The following CRIM1 variants were observed in gnomAD, a reference collection of about 807,000 sequenced individuals.
CRIM1 encodes cysteine rich transmembrane BMP regulator 1, also known as cysteine-rich motor neuron 1 protein.
A neutral mutation model predicts 116.4 loss-of-function variants in CRIM1; 32 were observed. That is an observed-to-expected ratio of 0.27 (90% confidence interval 0.21 to 0.37). CRIM1 has a LOEUF of 0.37. Ranked by LOEUF, CRIM1 falls within the 10% of genes least tolerant of loss-of-function variation. The pLI is 1.00. For synonymous variants in CRIM1, 590 were observed against 509.2 expected, an observed-to-expected ratio of 1.16 and a Z score of -2.13; for missense variants, 1,331 against 1,354.8, an observed-to-expected ratio of 0.98 and a Z score of 0.28.
At chr2:36,409,019 A>AC (rs1182892547) in intron 2 of CRIM1, among the ~76,000 whole-genome samples, 2 of 151,716 alleles carry the variant, frequency 1.3e-5, no homozygotes, top group Non-Finnish European at 2.9e-5. Flanking sequence ...AGGGGAAAAA[A>AC]AAAAAGCTCT....
At chr2:36,546,113 T>C (rs754324058) in intron 15 of CRIM1, among the ~76,000 whole-genome samples, 4 of 152,168 alleles carry the variant, frequency 2.6e-5, no homozygotes, top group Non-Finnish European at 5.9e-5. Flanking sequence ...TCCAGAACAA[T>C]TTAGGAGTAA....
intron 2 of CRIM1, among the ~76,000 whole-genome samples, chr2:36,426,196 A>G (rs1215397487): frequency 1.3e-5 from 2 of 151,806 alleles, no homozygotes; most frequent in Admixed American, 6.6e-5. Context: ...TGCATAGTCC[A>G]GAACCAAGAA....
At chr2:36,421,970 G>A (rs1372275867) in intron 2 of CRIM1, among the ~76,000 whole-genome samples, 1 of 151,992 alleles carries the variant, frequency 6.6e-6, no homozygotes, top group Non-Finnish European at 1.5e-5. Context: ...AAATAGGTAA[G>A]CACTTTGGAG....
chr2:36,435,633 T>C (rs1675253972), intron 2 of CRIM1, among the ~76,000 whole-genome samples: 1 of 151,844 alleles, frequency 6.6e-6, no homozygotes, highest in Non-Finnish European at 1.5e-5. Flanking sequence ...GTTTTTGTCA[T>C]TACTTTCAAT....
chr2:36,454,807 C>G (rs768408562), intron 4 of CRIM1, among the ~76,000 whole-genome samples: 5 of 152,112 alleles, frequency 3.3e-5, no homozygotes, highest in Non-Finnish European at 5.9e-5. Flanking sequence ...GGTCACAGAC[C>G]TTCTTGAGGT....
At chr2:36,377,209 C>T (rs1223636450) in intron 1 of CRIM1, among the ~76,000 whole-genome samples, 2 of 152,242 alleles carry the variant, frequency 1.3e-5, no homozygotes, top group African/African-American at 4.8e-5. Flanking sequence ...AGTGCTGGCT[C>T]TGCCCTCTTG....
rs750817951 is a variant in CRIM1, at chr2:36,522,252, C to T, written c.2367C>T (p.Cys789=). The T allele has an allele frequency of 2.0e-5, 32 of 1,614,054 alleles. No homozygotes were observed. Among genetic ancestry groups the T allele is most frequent in the Non-Finnish European group, 2.6e-5 (31 of 1,180,030 alleles). The change falls in exon 13 of 17, where the codon TGC becomes TGT. Residue 789 remains cysteine (C), a synonymous_variant. Transcript: ENST00000280527. The part of the protein sequence containing the change: ...DSVISCFSES[C]PSVSCERPVL... ...TAATTAGCTGTTTCTCTGAGTCCTG[C>T]CCTTCTGTATCCTGTGAAAGACCTG...
chr2:36,468,069 A>T (rs1348535994), intron 5 of CRIM1, among the ~76,000 whole-genome samples: 1 of 152,206 alleles, frequency 6.6e-6, no homozygotes, highest in African/African-American at 2.4e-5. Context: ...TGCTTGGAAC[A>T]TTGTTTCTCA....
At chr2:36,467,839 A>G (rs72865085) in intron 5 of CRIM1, among the ~76,000 whole-genome samples, 2,660 of 152,284 alleles carry the variant, frequency 0.017, 86 homozygotes, top group African/African-American at 0.061. Flanking sequence ...AGAGGAAAAA[A>G]CCTGCTGGAT....
At chr2:36,480,148 A>G (rs1459374431) in intron 7 of CRIM1, among the ~76,000 whole-genome samples, 3 of 152,188 alleles carry the variant, frequency 2.0e-5, no homozygotes, top group African/African-American at 4.8e-5. Context: ...GTCACCGAGT[A>G]TCTGTTCTAC....
At chr2:36,384,995 A>G (rs1572610776) in intron 1 of CRIM1, among the ~76,000 whole-genome samples, 1 of 152,064 alleles carries the variant, frequency 6.6e-6, no homozygotes, top group East Asian at 1.9e-4. Context: ...TTTATTGAAT[A>G]TTGGTGGCAA....
chr2:36,409,871 A>G lies in CRIM1; in HGVS notation c.505+13084A>G, dbSNP rs974360255. Among the ~76,000 whole-genome samples, 9 of 152,194 alleles carry G rather than the reference A, an allele frequency of 5.9e-5. No homozygotes were observed. In the South Asian group the frequency reaches 8.3e-4, roughly 14 times the overall value. On this transcript the variant is annotated intron_variant, in intron 2 of 16. Coordinates refer to ENST00000280527, the MANE Select transcript of CRIM1 (RefSeq NM_016441.3). Reference sequence around the variant, plus strand: ...AAATTTGACTCATTCCCTAGTTCATATTGACCTTCACTAAGCATACTGTTC... The same window carrying G: ...AAATTTGACTCATTCCCTAGTTCATGTTGACCTTCACTAAGCATACTGTTC...
chr2:36,463,119 C>T (rs1248909754), intron 4 of CRIM1, among the ~76,000 whole-genome samples: 2 of 152,178 alleles, frequency 1.3e-5, no homozygotes, highest in East Asian at 1.9e-4. Context: ...TGGAAGAATC[C>T]TCAAGGAGCC....
In CRIM1 at chr2:36,443,759, T is replaced by A. The variant is rs1422189850; in HGVS notation, c.869+1024T>A. ...TTATCTGTCCGTAATTGAAGAGACA[T>A]CCAGAATTTGTTCTGATAATTACTT... On this transcript the variant is annotated intron_variant, in intron 4 of 16. Transcript: ENST00000280527. Among the ~76,000 whole-genome samples, 4 of 152,318 alleles carry A rather than the reference T, an allele frequency of 2.6e-5. 1 individual carries two copies. Among genetic ancestry groups the A allele is most frequent in the Admixed American group, 2.0e-4 (3 of 15,296 alleles).
chr2:36,441,304 T>C lies in CRIM1; in HGVS notation c.552T>C (p.Ser184=). The C allele has an allele frequency of 6.2e-7, 1 of 1,614,218 alleles. No homozygotes were observed. The highest frequency in any genetic ancestry group is 1.7e-5 in the Admixed American group (1 of 60,030). The change falls in exon 3 of 17, where the codon TCT becomes TCC. Residue 184 remains serine, a synonymous_variant. Transcript: ENST00000280527. Reference sequence around the variant, plus strand: ...AGGCCCGCTGTGAAGTCCAGTTCTCTCCACGTTGTCCTGAAGATTCTGTTC... The same window carrying C: ...AGGCCCGCTGTGAAGTCCAGTTCTCCCCACGTTGTCCTGAAGATTCTGTTC... ...CSKARCEVQF[S]PRCPEDSVLI... is the part of the protein sequence containing the mutation.
intron 13 of CRIM1, 43 bp downstream of exon 13, chr2:36,522,356 C>T (rs751477050): frequency 6.9e-7 from 1 of 1,452,978 alleles, no homozygotes; most frequent in Admixed American, 1.7e-5. Context: ...TACCAGTTGT[C>T]ACTAAATCTG....
intron 5 of CRIM1, among the ~76,000 whole-genome samples, chr2:36,469,050 C>T (rs1466995420): frequency 2.6e-5 from 4 of 152,130 alleles, no homozygotes; most frequent in East Asian, 1.9e-4. Context: ...TTTAGCCTTA[C>T]GGTATTTAAT....
chr2:36,527,197 A>G (rs1399355299), intron 13 of CRIM1, among the ~76,000 whole-genome samples: 1 of 151,562 alleles, frequency 6.6e-6, no homozygotes, highest in Non-Finnish European at 1.5e-5. Flanking sequence ...ATACAAGTAT[A>G]TATGTGGCTC....
At chr2:36,540,355 A>G (rs561853533) in intron 14 of CRIM1, among the ~76,000 whole-genome samples, 54 of 152,296 alleles carry the variant, frequency 3.5e-4, no homozygotes, top group Admixed American at 3.3e-3. Flanking sequence ...CATGCAGACC[A>G]TAAGTGCCAA....
Sources: allele counts gnomAD v4.1 joint callset (sites outside exome capture counted in the v4.1 genomes callset), GRCh38; gene constraint gnomAD v4.1.1; transcripts MANE v1.5; gene names NCBI Gene and HGNC (gene_info 2026-07-23, HGNC 2026-07-21).